The following GREB1L variants were observed in gnomAD, a reference collection of about 807,000 sequenced individuals.
The protein encoded by GREB1L is GREB1-like protein.
Under a neutral mutation model 200.8 loss-of-function variants are expected in GREB1L, and 17 were observed. The observed-to-expected ratio is 0.08, with a 90% CI of 0.06 to 0.13. GREB1L has a LOEUF of 0.13. GREB1L is among the 10% of genes least tolerant of loss of function. The probability of loss-of-function intolerance (pLI) is 1.00; values close to 1 mark genes in which losing one functional copy is unlikely to be tolerated. For synonymous variants in GREB1L, 789 were observed against 893.0 expected, an observed-to-expected ratio of 0.88 and a Z score of 2.08; for missense variants, 1,657 against 2,367.7, an observed-to-expected ratio of 0.70 and a Z score of 6.23.
chr18:21,414,136 A>G (rs1472477781), intron 7 of GREB1L, among the ~76,000 whole-genome samples: 2 of 152,332 alleles, frequency 1.3e-5, no homozygotes, highest in South Asian at 2.1e-4. Flanking sequence ...TATATTAACT[A>G]AAAAGGAAAA....
At position 21,401,340 on chromosome 18, in the gene GREB1L, A is replaced by G; in HGVS notation, c.709+14A>G. ...TCTGCTGGAAAGGTAGTCAATTTCC[A>G]GGAAGAAAAGGGGAGGGAATGGAGA... is the stretch of plus-strand genomic sequence containing the variant. On this transcript the variant is annotated intron_variant, in intron 6 of 32. Coordinates refer to ENST00000424526, the MANE Select transcript of GREB1L (RefSeq NM_001142966.3). 6.5e-7 allele frequency: 1 copy of G among 1,541,850 alleles called. No individual in the cohort carries two copies. Among genetic ancestry groups the G allele is most frequent in the South Asian group, 1.2e-5 (1 of 83,446 alleles).
At chr18:21,299,745 C>T (rs1206586898) in intron 1 of GREB1L, among the ~76,000 whole-genome samples, 1 of 152,128 alleles carries the variant, frequency 6.6e-6, no homozygotes, top group African/African-American at 2.4e-5. Context: ...ATGCTATTTT[C>T]ACGCCCTTTC....
intron 1 of GREB1L, among the ~76,000 whole-genome samples, chr18:21,306,592 A>G (rs2038704596): frequency 6.6e-6 from 1 of 152,244 alleles, no homozygotes; most frequent in South Asian, 2.1e-4. Context: ...TACAATGAGA[A>G]CAGCTTGCAC....
intron 15 of GREB1L, among the ~76,000 whole-genome samples, chr18:21,457,935 CAG>C (rs1359041193): frequency 6.7e-6 from 1 of 149,466 alleles, no homozygotes; most frequent in African/African-American, 2.5e-5. Context: ...CCTGAGATCA[CAG>C]AGGGTAGTAC....
chr18:21,467,847 A>G (rs2035320382), intron 15 of GREB1L, among the ~76,000 whole-genome samples: 1 of 152,028 alleles, frequency 6.6e-6, no homozygotes, highest in South Asian at 2.1e-4. Context: ...ACACAGTGAA[A>G]CCCTGTCTCT....
chr18:21,498,180 G>T (rs1171967047), intron 21 of GREB1L, among the ~76,000 whole-genome samples: 2 of 151,956 alleles, frequency 1.3e-5, no homozygotes, highest in African/African-American at 2.4e-5. Flanking sequence ...ACATACATGC[G>T]AACACACCAT....
At chr18:21,303,904 A>G (rs1405412610) in intron 1 of GREB1L, among the ~76,000 whole-genome samples, 4 of 152,212 alleles carry the variant, frequency 2.6e-5, no homozygotes, top group African/African-American at 4.8e-5. Context: ...AACGAGGGTC[A>G]ATCAGAAGCT....
intron 1 of GREB1L, among the ~76,000 whole-genome samples, chr18:21,282,421 A>G (rs1285416742): frequency 1.3e-5 from 2 of 152,222 alleles, no homozygotes; most frequent in African/African-American, 4.8e-5. Context: ...CTTTCATAAT[A>G]AATTTTTGCT....
Position 21,520,777 on chromosome 18 carries a change from T to C in GREB1L, c.5562T>C (p.Cys1854=), listed in dbSNP as rs1211929137. ...TCAGTGGACTCCTTTTGTACCTCTGTGACTCTTTTGTAGGTGCTGATCTTA... is the reference window on the plus strand; with the variant it reads ...TCAGTGGACTCCTTTTGTACCTCTGCGACTCTTTTGTAGGTGCTGATCTTA... ...VFFSGLLLYL[C]DSFVGADLKK... The change falls in exon 32 of 33, where the codon TGT becomes TGC. Residue 1854 remains cysteine, a synonymous_variant. Transcript: ENST00000424526. The C allele has an allele frequency of 2.0e-6, 3 of 1,485,604 alleles. No homozygotes were observed. The highest frequency in any genetic ancestry group is 2.3e-5 in the Admixed American group (1 of 42,560). 92.0% of individuals were successfully genotyped at this position (1,485,604 alleles called of 1,614,324 possible).
intron 16 of GREB1L, among the ~76,000 whole-genome samples, chr18:21,475,365 TA>T (rs1183177922): frequency 6.6e-6 from 1 of 152,062 alleles, no homozygotes; most frequent in Admixed American, 6.6e-5. Flanking sequence ...TGGATGAACT[TA>T]TTATTATTTT....
intron 1 of GREB1L, among the ~76,000 whole-genome samples, chr18:21,355,463 A>G (rs371588986): frequency 1.3e-5 from 2 of 152,250 alleles, no homozygotes; most frequent in South Asian, 2.1e-4. Flanking sequence ...AAGTGCTGGG[A>G]TTACAGGCGT....
intron 27 of GREB1L, among the ~76,000 whole-genome samples, chr18:21,513,065 G>A (rs1816404586): frequency 6.6e-6 from 1 of 152,146 alleles, no homozygotes; most frequent in Non-Finnish European, 1.5e-5. Context: ...GCGCTATCCT[G>A]AGCATCATAC....
chr18:21,415,657 C>T (rs2031556954), intron 7 of GREB1L, among the ~76,000 whole-genome samples: 1 of 152,132 alleles, frequency 6.6e-6, no homozygotes, highest in Non-Finnish European at 1.5e-5. Flanking sequence ...AGCATTCACA[C>T]AAGGCCAAGA....
intron 1 of GREB1L, among the ~76,000 whole-genome samples, chr18:21,244,250 C>G: frequency 6.6e-6 from 1 of 152,130 alleles, no homozygotes; most frequent in East Asian, 1.9e-4. Flanking sequence ...ATTTTTCCTC[C>G]ATTTTGGAAT....
At chr18:21,485,557 T>A (rs1408577407) in intron 17 of GREB1L, 63 bp from the exon 18 acceptor site, 1 of 1,446,110 alleles carries the variant, frequency 6.9e-7, no homozygotes, top group South Asian at 1.4e-5. Flanking sequence ...AACCCCACTT[T>A]CTGGAAAACA....
At position 21,523,052 on chromosome 18, in the gene GREB1L, TATGCAATTACTTAAGATACGGTCTGCCC is replaced by T; in HGVS notation, c.*235_*262del. On this transcript the variant is annotated 3_prime_UTR_variant, in exon 33 of 33. Coordinates refer to ENST00000424526, the MANE Select transcript of GREB1L (RefSeq NM_001142966.3). ...TCAGGTAAACTCTATCCTAGGCAGT[TATGCAATTACTTAAGATACGGTCTGCCC>T]ATGGGATCCTGAGGAGGATATACTT... 1 of 419,912 alleles carries T rather than the reference TATGCAATTACTTAAGATACGGTCTGCCC, an allele frequency of 2.4e-6. No homozygotes were observed. The highest frequency in any genetic ancestry group is 4.2e-6 in the Non-Finnish European group (1 of 237,248). The allele number at this position is 419,912 out of a possible 1,614,324, so 26.0% of individuals were successfully genotyped here.
intron 32 of GREB1L, 84 bp from the exon 33 acceptor site, chr18:21,522,574 A>C: frequency 9.4e-7 from 1 of 1,069,296 alleles, no homozygotes; most frequent in Non-Finnish European, 1.3e-6. Flanking sequence ...CAGATGTGTT[A>C]GCTTAGGAAA....
intron 15 of GREB1L, among the ~76,000 whole-genome samples, chr18:21,456,727 A>G (rs1219658563): frequency 6.6e-6 from 1 of 152,166 alleles, no homozygotes; most frequent in African/African-American, 2.4e-5. Flanking sequence ...ATGAGCTGGA[A>G]AAGGTCAAAT....
At chr18:21,254,693 C>T (rs1395791310) in intron 1 of GREB1L, among the ~76,000 whole-genome samples, 1 of 152,116 alleles carries the variant, frequency 6.6e-6, no homozygotes, top group Non-Finnish European at 1.5e-5. Flanking sequence ...TGACAATGTC[C>T]TCAAGAACCA....
Sources: gnomAD v4.1 joint callset for allele counts (sites outside exome capture counted in the v4.1 genomes callset) on GRCh38, gnomAD v4.1.1 for gene constraint, MANE v1.5 for transcripts, NCBI Gene and HGNC (gene_info 2026-07-23, HGNC 2026-07-21) for gene names.